The following SNRNP40 variants were observed in gnomAD, a reference collection of about 807,000 sequenced individuals.
The protein encoded by SNRNP40 is U5 small nuclear ribonucleoprotein 40 kDa protein.
Under a neutral mutation model 45.8 loss-of-function variants are expected in SNRNP40, and 21 were observed. That is an observed-to-expected ratio of 0.46 (90% CI 0.32 to 0.66). The LOEUF (loss-of-function observed/expected upper bound fraction) is 0.66. Ranked by LOEUF, SNRNP40 falls within the 30% of genes least tolerant of loss-of-function variation. The probability of loss-of-function intolerance (pLI) is 0.03; values close to 1 mark genes in which losing one functional copy is unlikely to be tolerated. For missense variants in SNRNP40, 344 were observed against 439.1 expected, an observed-to-expected ratio of 0.78 and a Z score of 1.94; for synonymous variants, 142 against 163.8, an observed-to-expected ratio of 0.87 and a Z score of 1.01.
intron 2 of SNRNP40, chr1:31,293,018 T>C: frequency 1.8e-6 from 1 of 567,808 alleles, no homozygotes; most frequent in Non-Finnish European, 3.1e-6. Flanking sequence ...AGTAAAATAA[T>C]GGCTTCTGTA....
chr1:31,290,645 A>G (rs530638528), intron 3 of SNRNP40, among the ~76,000 whole-genome samples: 2 of 152,270 alleles, frequency 1.3e-5, no homozygotes, highest in African/African-American at 4.8e-5. Flanking sequence ...TGGGAGGCCA[A>G]GGCGGGCGGA....
At chr1:31,293,192 A>G in intron 2 of SNRNP40, 27 bp downstream of exon 2, 4 of 1,612,326 alleles carry the variant, frequency 2.5e-6, no homozygotes, top group Non-Finnish European at 3.4e-6. Context: ...AGGAAAAATT[A>G]TTCCAGATTC....
At chr1:31,275,500 G>A (rs535293215) in intron 5 of SNRNP40, among the ~76,000 whole-genome samples, 4 of 152,036 alleles carry the variant, frequency 2.6e-5, no homozygotes, top group East Asian at 3.9e-4. Flanking sequence ...AGCGATTCTC[G>A]TGCCTCAGGC....
chr1:31,282,622 T>TG (rs1454824650), intron 4 of SNRNP40: 11 of 150,888 alleles, frequency 7.3e-5, no homozygotes. Flanking sequence ...TATCTTTCTA[T>TG]CATCTATATC....
intron 8 of SNRNP40, among the ~76,000 whole-genome samples, chr1:31,266,899 T>C (rs1413827666): frequency 2.0e-5 from 3 of 152,242 alleles, no homozygotes; most frequent in South Asian, 2.1e-4. Context: ...CTAAGATTCA[T>C]TCCCTAATCT....
chr1:31,259,766 A>G lies in SNRNP40; in HGVS notation c.*306T>C, dbSNP rs1330777127. The G allele has an allele frequency of 1.5e-5, 8 of 528,434 alleles. No homozygotes were observed. The highest frequency in any genetic ancestry group is 5.8e-5 in the African/African-American group (3 of 51,480). The allele number at this position is 528,434 out of a possible 1,614,324, so 32.7% of individuals were successfully genotyped here. A position where few individuals can be genotyped will look rare whatever the true frequency, so the allele number is the denominator to read the frequency against. ...ATACAAGCCAGTTACAAAAAAAAAA[A>G]AAAAATCCCAACCAACAAATTTGTC... On this transcript the variant is annotated 3_prime_UTR_variant, in exon 10 of 10. Coordinates refer to ENST00000263694, the MANE Select transcript of SNRNP40 (RefSeq NM_004814.3).
Position 31,281,370 on chromosome 1 carries a change from A to G in SNRNP40, c.654+4T>C. 9 of 1,586,394 alleles carry G rather than the reference A, an allele frequency of 5.7e-6. No homozygotes were observed. The highest frequency in any genetic ancestry group is 7.8e-6 in the Non-Finnish European group (9 of 1,158,182). ...TGGAAATATATCATAAACATCAAAC[A>G]TACCTTGATATCATTGTCTATTCCA... is the stretch of plus-strand genomic sequence containing the variant. On this transcript the variant is annotated splice_donor_region_variant and intron_variant, in intron 5 of 9. Coordinates refer to ENST00000263694, the MANE Select transcript of SNRNP40 (RefSeq NM_004814.3).
At chr1:31,278,007 T>C (rs1645988548) in intron 5 of SNRNP40, among the ~76,000 whole-genome samples, 1 of 152,174 alleles carries the variant, frequency 6.6e-6, no homozygotes, top group African/African-American at 2.4e-5. Flanking sequence ...CACTTTTTAG[T>C]TTACTATCAC....
rs1646130454 is a variant in SNRNP40, at chr1:31,294,825, C to G, written c.142-1477G>C. Among the ~76,000 whole-genome samples the G allele has an allele frequency of 2.0e-5, 3 of 151,512 alleles. 1 individual carries two copies. The highest frequency in any genetic ancestry group is 2.0e-4 in the Admixed American group (3 of 15,196). ...GGCATGGTGGCGGGCGCCTGTAATT[C>G]CAGCCACTCAGGAGGCTGAGGCAGG... On this transcript the variant is annotated intron_variant, in intron 1 of 9. Transcript: ENST00000263694.
At chr1:31,280,554 T>C (rs539103196) in intron 5 of SNRNP40, among the ~76,000 whole-genome samples, 117 of 100,554 alleles carry the variant, frequency 1.2e-3, no homozygotes, top group African/African-American at 3.6e-3. Context: ...ACACAGAAAG[T>C]TGAGTATCTG....
At chr1:31,265,336 C>A (rs1438302291) in intron 8 of SNRNP40, among the ~76,000 whole-genome samples, 1 of 151,982 alleles carries the variant, frequency 6.6e-6, no homozygotes, top group Non-Finnish European at 1.5e-5. Context: ...TGCCATCTTG[C>A]CCAGGCTGGT....
intron 4 of SNRNP40, chr1:31,282,453 C>G (rs1035507892): frequency 6.7e-6 from 1 of 149,406 alleles, no homozygotes; most frequent in Non-Finnish European, 1.5e-5. Flanking sequence ...CGAAAAGCAC[C>G]GACATATTCC....
intron 7 of SNRNP40, among the ~76,000 whole-genome samples, chr1:31,268,258 C>T (rs1394424266): frequency 1.3e-5 from 2 of 150,080 alleles, no homozygotes; most frequent in East Asian, 3.9e-4. Flanking sequence ...GAAAAATACA[C>T]GCAAACCCAA....
At chr1:31,281,012 G>A (rs1317055181) in intron 5 of SNRNP40, among the ~76,000 whole-genome samples, 1 of 152,154 alleles carries the variant, frequency 6.6e-6, no homozygotes, top group Non-Finnish European at 1.5e-5. Context: ...GAAAAACACA[G>A]TGAGAGATGA....
chr1:31,294,358 T>C (rs1646127220), intron 1 of SNRNP40, among the ~76,000 whole-genome samples: 1 of 152,208 alleles, frequency 6.6e-6, no homozygotes, highest in South Asian at 2.1e-4. Flanking sequence ...GGGCAATTCA[T>C]CTAAACATGG....
intron 4 of SNRNP40, among the ~76,000 whole-genome samples, chr1:31,284,712 C>G (rs1038592773): frequency 2.0e-5 from 3 of 152,200 alleles, no homozygotes; most frequent in East Asian, 3.8e-4. Flanking sequence ...TAACTTCAAT[C>G]CTGTAGTCAA....
At chr1:31,295,343 AAAAAAAC>A (rs1170784593) in intron 1 of SNRNP40, among the ~76,000 whole-genome samples, 1 of 103,482 alleles carries the variant, frequency 9.7e-6, no homozygotes, top group Admixed American at 9.8e-5. Context: ...GTCTAAAAAC[AAAAAAAC>A]AAAAAAAGAG....
At position 31,262,792 on chromosome 1, in the gene SNRNP40, T is replaced by A. The variant is rs117412230; in HGVS notation, c.921-1160A>T. Reference sequence around the variant, plus strand: ...CCTAGCACTTTGGGGGGCCAAGGCTTGAGCTCAGGAGCTTGAGACCAGCTT... The same window carrying A: ...CCTAGCACTTTGGGGGGCCAAGGCTAGAGCTCAGGAGCTTGAGACCAGCTT... On this transcript the variant is annotated intron_variant, in intron 8 of 9. Transcript: ENST00000263694. 5.9e-3 allele frequency among the ~76,000 whole-genome samples: 892 copies of A among 152,050 alleles called. 69 individuals carry two copies. The East Asian group carries it at 0.15, about 25-fold the overall frequency.
chr1:31,289,825 T>C (rs1248720693), intron 3 of SNRNP40, among the ~76,000 whole-genome samples: 3 of 152,210 alleles, frequency 2.0e-5, no homozygotes, highest in Admixed American at 6.5e-5. Flanking sequence ...GTGACTCCAA[T>C]CTTTTCTCTT....
Sources: allele counts gnomAD v4.1 joint callset (sites outside exome capture counted in the v4.1 genomes callset), GRCh38; gene constraint gnomAD v4.1.1; transcripts MANE v1.5; gene names NCBI Gene and HGNC (gene_info 2026-07-23, HGNC 2026-07-21).